LRP2: variants seen among roughly 807,000 people sequenced by gnomAD.
LRP2 encodes the protein low-density lipoprotein receptor-related protein 2.
A neutral mutation model predicts 531.0 loss-of-function variants in LRP2; 172 were observed. The observed-to-expected ratio is 0.32, with a 90% CI of 0.29 to 0.37. The LOEUF (loss-of-function observed/expected upper bound fraction) is 0.37. Ranked by LOEUF, LRP2 falls within the 10% of genes least tolerant of loss-of-function variation. LRP2 has a pLI of 1.00. For missense variants in LRP2, 5,167 were observed against 5,868.3 expected, an observed-to-expected ratio of 0.88 and a Z score of 3.90; for synonymous variants, 1,992 against 2,027.6, an observed-to-expected ratio of 0.98 and a Z score of 0.47.
At chr2:169,215,625 G>C (rs1180284865) in intron 35 of LRP2, among the ~76,000 whole-genome samples, 1 of 150,478 alleles carries the variant, frequency 6.6e-6, no homozygotes, top group Middle Eastern at 3.2e-3. Context: ...CACATAGGTA[G>C]ATACATAGAA....
intron 50 of LRP2, among the ~76,000 whole-genome samples, chr2:169,183,026 G>A (rs1687497296): frequency 6.6e-6 from 1 of 152,166 alleles, no homozygotes; most frequent in African/African-American, 2.4e-5. Context: ...GCCAGCTTTG[G>A]TGATCTGTGT....
chr2:169,193,876 T>A lies in LRP2; in HGVS notation c.8715A>T (p.Thr2905=), dbSNP rs1167108621. Residue 2905 remains threonine, a synonymous_variant, in exon 47 of 79, where the codon ACA becomes ACT. Transcript: ENST00000649046. Reference sequence around the variant, plus strand: ...CACACTTGAACTCATCAGCTAGGCATGTTCGCTCAGAGTGACCTGAAAAGA... The same window carrying A: ...CACACTTGAACTCATCAGCTAGGCAAGTTCGCTCAGAGTGACCTGAAAAGA... ...EPASCGHSER[T]CLADEFKCDG... is the part of the protein sequence containing the mutation. 2 of 1,614,190 alleles carry A rather than the reference T, an allele frequency of 1.2e-6. No homozygotes were observed. Among genetic ancestry groups the A allele is most frequent in the South Asian group, 1.1e-5 (1 of 91,088 alleles).
rs751833488 is a variant in LRP2, at chr2:169,207,022, A to C, written c.6698T>G (p.Ile2233Ser). Residue 2233 changes from isoleucine to serine, a missense_variant, in exon 39 of 79, where the codon ATT (isoleucine) becomes AGT (serine). Ile to Ser is a moderately radical substitution (Grantham distance 142). Transcript: ENST00000649046. Reference sequence around the variant, plus strand: ...CACTGCCAAGCCCCGTGGTGTGACAATGCCCTCTGACACAAGCACTGTTCG... The same window carrying C: ...CACTGCCAAGCCCCGTGGTGTGACACTGCCCTCTGACACAAGCACTGTTCG... Reference protein sequence around the residue: ...TNRTVLVSEGIVTPRGLAVDR... With the variant: ...TNRTVLVSEGSVTPRGLAVDR... 6.2e-7 allele frequency: 1 copy of C among 1,614,104 alleles called. No homozygotes were observed. The highest frequency in any genetic ancestry group is 1.3e-5 in the African/African-American group (1 of 74,934).
intron 1 of LRP2, among the ~76,000 whole-genome samples, chr2:169,333,651 T>C (rs1022491194): frequency 1.3e-5 from 2 of 152,214 alleles, no homozygotes; most frequent in African/African-American, 4.8e-5. Context: ...ACAAATGTAA[T>C]GCCAAATCAT....
At chr2:169,328,838 C>A (rs1021668573) in intron 1 of LRP2, among the ~76,000 whole-genome samples, 2 of 152,198 alleles carry the variant, frequency 1.3e-5, no homozygotes, top group Non-Finnish European at 2.9e-5. Flanking sequence ...TCATGTCCTG[C>A]AAAGCAAATG....
chr2:169,326,931 G>A (rs1345331077), intron 1 of LRP2, among the ~76,000 whole-genome samples: 15 of 150,660 alleles, frequency 1.0e-4, no homozygotes, highest in Middle Eastern at 3.5e-3. Context: ...GGTGAGGAGC[G>A]TCTCTGCCCA....
At chr2:169,292,930 A>G (rs988636611) in intron 6 of LRP2, among the ~76,000 whole-genome samples, 2 of 152,120 alleles carry the variant, frequency 1.3e-5, no homozygotes, top group Non-Finnish European at 2.9e-5. Context: ...CAGACATGAC[A>G]ACATCCAACG....
rs1687911228 is a variant in LRP2 at position 169,193,773 on chromosome 2, T to A, written c.8818A>T (p.Arg2940Trp). Reference protein sequence around the residue: ...DCGDMSDEDKRHQCQNQNCSD... With the variant: ...DCGDMSDEDKWHQCQNQNCSD... Reference sequence around the variant, plus strand: ...TGGCTTCACTTACGACACTGGTGCCTTTTATCCTCGTCACTCATATCCCCA... The same window carrying A: ...TGGCTTCACTTACGACACTGGTGCCATTTATCCTCGTCACTCATATCCCCA... Residue 2940 changes from arginine to tryptophan, a missense_variant, in exon 47 of 79, where the codon AGG (arginine) becomes TGG (tryptophan). Arg to Trp is a moderately radical substitution (Grantham distance 101, BLOSUM62 -3). Transcript: ENST00000649046. The A allele has an allele frequency of 2.5e-6, 4 of 1,614,150 alleles. No homozygotes were observed. In the East Asian group the frequency reaches 8.9e-5, roughly 36 times the overall value.
intron 42 of LRP2, among the ~76,000 whole-genome samples, chr2:169,203,705 T>G (rs1003818124): frequency 6.6e-6 from 1 of 152,146 alleles, no homozygotes; most frequent in Non-Finnish European, 1.5e-5. Context: ...TGCAGTGAGC[T>G]GAGATCCCGC....
chr2:169,284,256 CTTTTTTTTTTT>C (rs1216987363), intron 9 of LRP2, among the ~76,000 whole-genome samples: 5 of 96,668 alleles, frequency 5.2e-5, no homozygotes, highest in East Asian at 5.5e-4. Context: ...TCTTTTTTTT[CTTTTTTTTTTT>C]TTTTTTTTTT....
chr2:169,138,023 G>A (rs1056142463), intron 75 of LRP2, among the ~76,000 whole-genome samples: 3 of 152,040 alleles, frequency 2.0e-5, no homozygotes, highest in African/African-American at 7.2e-5. Context: ...ATTTCATTTG[G>A]TCCTCCCAGG....
intron 4 of LRP2, among the ~76,000 whole-genome samples, chr2:169,297,972 A>AACACACACACAC (rs10548576): frequency 1.3e-4 from 20 of 150,050 alleles, no homozygotes; most frequent in African/African-American, 4.4e-4. Flanking sequence ...AAGATTGGGA[A>AACACACACACAC]ACACACACAC....
At position 169,213,738 on chromosome 2, in the gene LRP2, C is replaced by T. The variant is rs77017461; in HGVS notation, c.5959G>A (p.Asp1987Asn). The T allele has an allele frequency of 3.0e-5, 49 of 1,613,772 alleles. No homozygotes were observed. In the African/African-American group the frequency reaches 5.7e-4, roughly 19 times the overall value. Residue 1987 changes from aspartate (D) to asparagine (N), a missense_variant, in exon 36 of 79, where the codon GAT (aspartate) becomes AAT (asparagine). Physicochemically the swap from Asp to Asn is conservative, Grantham distance 23. Around this residue, in one of 6 missense-constraint regions of LRP2, gnomAD observed 2,811 missense variants for 3,058.0 expected, o/e 0.92. Coordinates refer to ENST00000649046, the MANE Select transcript of LRP2 (RefSeq NM_004525.3). ...DEQYEVIERV[D>N]KATGANKIVL... Reference sequence around the variant, plus strand: ...ATTTTGTTGGCCCCAGTGGCCTTATCAACTCTTTCAATGACCTCATACTGT... The same window carrying T: ...ATTTTGTTGGCCCCAGTGGCCTTATTAACTCTTTCAATGACCTCATACTGT...
At position 169,294,176 on chromosome 2, in the gene LRP2, G is replaced by A; in HGVS notation, c.624C>T (p.Cys208=). The A allele has an allele frequency of 6.2e-7, 1 of 1,613,202 alleles. No homozygotes were observed. Among genetic ancestry groups the A allele is most frequent in the South Asian group, 1.1e-5 (1 of 91,042 alleles). The part of the protein sequence containing the change: ...RAYVCDHDND[C]QDGSDEHACN... Reference sequence around the variant, plus strand: ...AAGCATGTTCGTCACTGCCGTCTTGGCAATCATTGTCATGGTCACAGACAT... The same window carrying A: ...AAGCATGTTCGTCACTGCCGTCTTGACAATCATTGTCATGGTCACAGACAT... Residue 208 remains cysteine, a synonymous_variant, in exon 6 of 79, where the codon TGC becomes TGT. Coordinates refer to ENST00000649046, the MANE Select transcript of LRP2 (RefSeq NM_004525.3).
chr2:169,184,997 G>A (rs989843567), intron 50 of LRP2, among the ~76,000 whole-genome samples: 3 of 152,080 alleles, frequency 2.0e-5, no homozygotes, highest in African/African-American at 7.2e-5. Context: ...CTGGGCTCAA[G>A]CGATCCTCTC....
chr2:169,310,977 G>T (rs1684580470), intron 3 of LRP2, among the ~76,000 whole-genome samples: 1 of 152,202 alleles, frequency 6.6e-6, no homozygotes, highest in Non-Finnish European at 1.5e-5. Flanking sequence ...AGATTTTCTA[G>T]TTGATTTGCA....
Position 169,282,942 on chromosome 2 carries a change from G to T in LRP2, c.1102C>A (p.Arg368Ser), listed in dbSNP as rs201059704. The T allele has an allele frequency of 1.2e-6, 2 of 1,613,926 alleles. No individual in the cohort carries two copies. Among genetic ancestry groups the T allele is most frequent in the Middle Eastern group, 1.6e-4 (1 of 6,080 alleles). The change falls in exon 10 of 79, where the codon CGT becomes AGT. Residue 368 changes from arginine (R) to serine (S), a missense_variant. Arg to Ser is a moderately radical substitution (Grantham distance 110, BLOSUM62 -1). This residue lies in a region of LRP2 where 2,811 missense variants were observed against 3,058.0 expected (regional missense o/e 0.92). Coordinates refer to ENST00000649046, the MANE Select transcript of LRP2 (RefSeq NM_004525.3). ...CCTTCTTCACAGTGGCACAGGTGAC[G>T]GCCAGGTCGGCTTTCACACTTCTGG... ...CDQKCESRPGRHLCHCEEGYI... is the reference protein window; with the variant it reads ...CDQKCESRPGSHLCHCEEGYI...
intron 30 of LRP2, 44 bp from the exon 31 acceptor site, chr2:169,231,886 C>T: frequency 6.2e-7 from 1 of 1,607,702 alleles, no homozygotes; most frequent in Non-Finnish European, 8.5e-7. Context: ...GGAAAACCTC[C>T]ACATTAAAAT....
chr2:169,353,377 G>T (rs1178791826), intron 1 of LRP2, among the ~76,000 whole-genome samples: 1 of 152,136 alleles, frequency 6.6e-6, no homozygotes, highest in Admixed American at 6.6e-5. Flanking sequence ...TTAGGGGGGA[G>T]TAGGGTCAAG....
Sources: gnomAD v4.1 joint callset for allele counts (sites outside exome capture counted in the v4.1 genomes callset) on GRCh38, gnomAD v4.1.1 for gene constraint, gnomAD v4.1.1 regional missense constraint, MANE v1.5 for transcripts, NCBI Gene and HGNC (gene_info 2026-07-23, HGNC 2026-07-21) for gene names.